Variants in FSHR observed in about 807,000 individuals in gnomAD.
The protein encoded by FSHR is follicle stimulating hormone receptor.
In FSHR, 46 loss-of-function variants were observed where a neutral mutation model predicts 52.1. The observed-to-expected ratio is 0.88, with a 90% confidence interval of 0.70 to 1.13. The LOEUF (loss-of-function observed/expected upper bound fraction) is 1.13. FSHR is among the 50% of genes most tolerant of loss of function. FSHR has a pLI of 0.00. For missense variants in FSHR, 964 were observed against 834.6 expected (o/e 1.16, Z -1.91); for synonymous variants, 399 against 309.6 (o/e 1.29, Z -3.03).
intron 2 of FSHR, among the ~76,000 whole-genome samples, chr2:49,058,012 G>A (rs1275318426): frequency 6.6e-6 from 1 of 152,096 alleles, no homozygotes; most frequent in Non-Finnish European, 1.5e-5. Context: ...TAGAAGGAAA[G>A]TACCGCAACT....
intron 2 of FSHR, among the ~76,000 whole-genome samples, chr2:49,063,697 G>C (rs1278523264): frequency 6.6e-6 from 1 of 152,114 alleles, no homozygotes; most frequent in African/African-American, 2.4e-5. Flanking sequence ...GATACCAAAA[G>C]ATTGGTTAAT....
intron 2 of FSHR, chr2:49,059,625 A>G (rs761087700): frequency 1.3e-5 from 2 of 152,584 alleles, no homozygotes; most frequent in Non-Finnish European, 2.9e-5. Flanking sequence ...GATTTTTGCT[A>G]TTAGAAAGTA....
At chr2:49,079,163 T>C (rs891627052) in intron 1 of FSHR, among the ~76,000 whole-genome samples, 3 of 151,794 alleles carry the variant, frequency 2.0e-5, no homozygotes, top group Admixed American at 1.3e-4. Flanking sequence ...ATCAAGAAAT[T>C]AGTCTAAGAA....
chr2:48,992,002 G>C (rs902287277), intron 4 of FSHR, among the ~76,000 whole-genome samples: 1 of 151,840 alleles, frequency 6.6e-6, no homozygotes, highest in African/African-American at 2.4e-5. Context: ...ATGGGTTCTC[G>C]GTGATGGTTC....
Position 48,976,515 on chromosome 2 carries a change from G to A in FSHR, c.668+6397C>T, listed in dbSNP as rs189186446. The stretch of plus-strand genomic sequence containing the variant: ...GCCTCACAAAATGAGTTAGAGAGGA[G>A]TCCCTCTTTTTCTGTTGTTTGGAAT... On this transcript the variant is annotated intron_variant, in intron 8 of 9. Transcript: ENST00000406846. Among the ~76,000 whole-genome samples the A allele has an allele frequency of 9.9e-4, 151 of 152,330 alleles. 1 individual carries two copies. Among genetic ancestry groups the A allele is most frequent in the African/African-American group, 3.3e-3 (136 of 41,582 alleles).
In FSHR at chr2:49,125,087, T is replaced by C. The variant is rs1262154992; in HGVS notation, c.152+29179A>G. Among the ~76,000 whole-genome samples, 4 of 152,252 alleles carry C rather than the reference T, an allele frequency of 2.6e-5. No individual in the cohort carries two copies. The East Asian group carries it at 7.7e-4, about 29-fold the overall frequency. On this transcript the variant is annotated intron_variant, in intron 1 of 9. Transcript: ENST00000406846. ...ACCCACATGGTTTGGTCCTTCAACATATATAGTCTTTACTCAATTGGTTCT... is the reference window on the plus strand; with the variant it reads ...ACCCACATGGTTTGGTCCTTCAACACATATAGTCTTTACTCAATTGGTTCT...
chr2:49,076,184 A>G (rs1390268171), intron 1 of FSHR, among the ~76,000 whole-genome samples: 3 of 152,200 alleles, frequency 2.0e-5, no homozygotes, highest in African/African-American at 7.2e-5. Context: ...AGACTAGTGT[A>G]TTAGTCCATT....
rs566965410 is a variant in FSHR at position 49,050,351 on chromosome 2, GA to G, written c.224+17867del. ...AAACTTGAAAGGAAAATAGCTCCAA[GA>G]AGAGGTTTCCTTCACTCTGTGACTA... On this transcript the variant is annotated intron_variant, in intron 2 of 9. Transcript: ENST00000406846. 2.0e-5 allele frequency among the ~76,000 whole-genome samples: 3 copies of G among 152,278 alleles called. No homozygotes were observed. In the East Asian group the frequency reaches 5.8e-4, roughly 29 times the overall value.
At chr2:49,001,713 G>A (rs574608269) in intron 4 of FSHR, among the ~76,000 whole-genome samples, 219 of 152,218 alleles carry the variant, frequency 1.4e-3, no homozygotes, top group Admixed American at 3.7e-3. Flanking sequence ...AGTGGCAAAC[G>A]TATTAATAAG....
At chr2:49,046,876 C>G (rs1004530896) in intron 2 of FSHR, among the ~76,000 whole-genome samples, 3 of 152,116 alleles carry the variant, frequency 2.0e-5, no homozygotes, top group African/African-American at 7.2e-5. Context: ...TGTACTCAGC[C>G]CAAGGAAGCT....
intron 4 of FSHR, among the ~76,000 whole-genome samples, chr2:49,002,410 G>T (rs906462837): frequency 1.3e-5 from 2 of 151,908 alleles, no homozygotes; most frequent in African/African-American, 4.8e-5. Flanking sequence ...CCCTTCTCAT[G>T]CTGCTATGAA....
At chr2:49,035,887 A>C (rs1668254684) in intron 2 of FSHR, among the ~76,000 whole-genome samples, 1 of 152,228 alleles carries the variant, frequency 6.6e-6, no homozygotes, top group Non-Finnish European at 1.5e-5. Context: ...GTAGAGCTGT[A>C]GATAGGTATT....
intron 2 of FSHR, among the ~76,000 whole-genome samples, chr2:49,024,351 G>A (rs1667845727): frequency 6.6e-6 from 1 of 152,036 alleles, no homozygotes; most frequent in African/African-American, 2.4e-5. Context: ...GAGATGGGTG[G>A]ATCACCTGAG....
chr2:49,005,773 A>T (rs1000910338), intron 4 of FSHR, among the ~76,000 whole-genome samples: 11 of 152,156 alleles, frequency 7.2e-5, no homozygotes, highest in African/African-American at 2.4e-4. Flanking sequence ...GTATCCCTGG[A>T]TTATGGCAAC....
chr2:49,054,883 A>G (rs549864854), intron 2 of FSHR, among the ~76,000 whole-genome samples: 1 of 152,200 alleles, frequency 6.6e-6, no homozygotes, highest in Non-Finnish European at 1.5e-5. Flanking sequence ...ATCCAAATGA[A>G]TGTCTTTTCT....
At chr2:49,014,842 C>T in intron 4 of FSHR, 1 of 456,864 alleles carries the variant, frequency 2.2e-6, no homozygotes, top group Non-Finnish European at 4.5e-6. Flanking sequence ...GAAAGTGTCT[C>T]TGGGGATGCC....
rs1337272034 is a variant in FSHR, at chr2:49,021,878, TATATATATAGAGAGAGAGAGAGAG to T, written c.225-1742_225-1719del. 5.6e-4 allele frequency among the ~76,000 whole-genome samples: 34 copies of T among 60,852 alleles called. 1 individual carries two copies. In the East Asian group the frequency reaches 0.015, roughly 26 times the overall value. The allele number at this position is 60,852 out of a possible 152,430, so 39.9% of individuals were successfully genotyped here. On this transcript the variant is annotated intron_variant, in intron 2 of 9. Coordinates refer to ENST00000406846, the MANE Select transcript of FSHR (RefSeq NM_000145.4). ...CTCTCTCTCTCTATATATATATATATATATATATAGAGAGAGAGAGAGAGAGAGAGAGAGAGAGAGAGAATGAAC... is the reference window on the plus strand; with the variant it reads ...CTCTCTCTCTCTATATATATATATATAGAGAGAGAGAGAGAGAGAATGAAC...
At chr2:49,105,169 C>G (rs908856259) in intron 1 of FSHR, among the ~76,000 whole-genome samples, 2 of 152,004 alleles carry the variant, frequency 1.3e-5, no homozygotes, top group African/African-American at 2.4e-5. Flanking sequence ...GTGTTTTCAC[C>G]AGTGTAATCT....
intron 2 of FSHR, among the ~76,000 whole-genome samples, chr2:49,043,924 A>C (rs1014638431): frequency 7.2e-5 from 11 of 152,312 alleles, no homozygotes; most frequent in African/African-American, 2.6e-4. Flanking sequence ...CTGTCTCCAT[A>C]AAACCTTCTC....
Sources: allele counts gnomAD v4.1 joint callset (sites outside exome capture counted in the v4.1 genomes callset), GRCh38; gene constraint gnomAD v4.1.1; transcripts MANE v1.5; gene names NCBI Gene and HGNC (gene_info 2026-07-23, HGNC 2026-07-21).